Variants in PADI6 observed in about 807,000 individuals in gnomAD.
PADI6 encodes peptidyl arginine deiminase 6.
In PADI6, 66 loss-of-function variants were observed where a neutral mutation model predicts 78.2. The ratio of observed to expected loss-of-function variants is 0.84; its 90% CI spans 0.69 to 1.04. The LOEUF (loss-of-function observed/expected upper bound fraction) is 1.04. PADI6 is among the 50% of genes least tolerant of loss of function. PADI6 has a pLI of 0.00. For synonymous variants in PADI6, 397 were observed against 346.9 expected (o/e 1.14, Z -1.60); for missense variants, 854 against 866.1 (o/e 0.99, Z 0.18).
intron 15 of PADI6, among the ~76,000 whole-genome samples, chr1:17,399,060 A>C (rs1288147592): frequency 6.6e-6 from 1 of 152,112 alleles, no homozygotes; most frequent in African/African-American, 2.4e-5. Flanking sequence ...TTCCCCAGGC[A>C]GTTACTATGG....
rs765568067 is a variant in PADI6, at chr1:17,375,408, C to T, written c.295-19C>T. On this transcript the variant is annotated intron_variant, in intron 2 of 15. Coordinates refer to ENST00000619609, the MANE Select transcript of PADI6 (RefSeq NM_207421.4). ...TCCCGTCCAACACTGCCTATGGTTT[C>T]GGGATGCTGTCTCCACAGGTCTCGG... is the stretch of plus-strand genomic sequence containing the variant. 20 of 1,605,464 alleles carry T rather than the reference C, an allele frequency of 1.2e-5. No homozygotes were observed. Among genetic ancestry groups the T allele is most frequent in the Admixed American group, 3.4e-5 (2 of 59,144 alleles).
At chr1:17,382,451 A>T (rs1425637666) in intron 6 of PADI6, among the ~76,000 whole-genome samples, 1 of 152,216 alleles carries the variant, frequency 6.6e-6, no homozygotes. Context: ...TCTCAGGAGA[A>T]TCCATCTTCA....
At chr1:17,394,830 A>AC in intron 11 of PADI6, 121 bp from the exon 12 acceptor site, 1 of 1,199,636 alleles carries the variant, frequency 8.3e-7, no homozygotes, top group Non-Finnish European at 1.1e-6. Flanking sequence ...TCCGCTATGG[A>AC]CCGGCCTCTT....
At chr1:17,378,769 T>C (rs2075042578) in intron 3 of PADI6, among the ~76,000 whole-genome samples, 1 of 152,036 alleles carries the variant, frequency 6.6e-6, no homozygotes, top group Non-Finnish European at 1.5e-5. Context: ...CACACCGGGC[T>C]AATTTTTGTA....
chr1:17,394,697 A>C lies in PADI6; in HGVS notation c.1337+243A>C, dbSNP rs113752211. On this transcript the variant is annotated intron_variant, in intron 11 of 15. Transcript: ENST00000619609. The stretch of plus-strand genomic sequence containing the variant: ...TCCACCAGGATGTCATTTCCAAGAG[A>C]TATGTGGTTGGATTTCTTGGTGGCC... Among the ~76,000 whole-genome samples the C allele has an allele frequency of 8.6e-3, 1,310 of 152,214 alleles. 29 individuals carry two copies. Among genetic ancestry groups the C allele is most frequent in the African/African-American group, 0.029 (1,200 of 41,508 alleles).
At chr1:17,385,692 C>A (rs2075112655) in intron 6 of PADI6, among the ~76,000 whole-genome samples, 2 of 151,862 alleles carry the variant, frequency 1.3e-5, no homozygotes, top group South Asian at 4.2e-4. Flanking sequence ...CAGTGGAGGG[C>A]AAGTATGCTA....
chr1:17,379,826 C>T, intron 3 of PADI6, 94 bp from the exon 4 acceptor site: 2 of 1,098,554 alleles, frequency 1.8e-6, no homozygotes, highest in Non-Finnish European at 2.7e-6. Flanking sequence ...TGCCCTGATG[C>T]CAGCCTTGGG....
chr1:17,384,983 T>C (rs1557601200), intron 6 of PADI6, among the ~76,000 whole-genome samples: 1 of 152,150 alleles, frequency 6.6e-6, no homozygotes, highest in Non-Finnish European at 1.5e-5. Flanking sequence ...GATGTATAGA[T>C]GGAACTGATC....
At chr1:17,397,888 C>T (rs945750525) in intron 14 of PADI6, among the ~76,000 whole-genome samples, 2 of 152,130 alleles carry the variant, frequency 1.3e-5, no homozygotes, top group Admixed American at 1.3e-4. Flanking sequence ...GAAGCCGGCT[C>T]CTCACTTCCG....
At chr1:17,380,350 C>CA (rs2075060759) in intron 4 of PADI6, among the ~76,000 whole-genome samples, 1 of 151,748 alleles carries the variant, frequency 6.6e-6, no homozygotes, top group South Asian at 2.1e-4. Context: ...GCTGGGGTTA[C>CA]AAGCGTGTGC....
At chr1:17,401,127 C>A (rs191429762) in intron 15 of PADI6, 78 bp from the exon 16 acceptor site, 11 of 1,378,844 alleles carry the variant, frequency 8.0e-6, no homozygotes, top group South Asian at 1.3e-5. Context: ...CTGGTCTGAC[C>A]GCAGAGAGGC....
intron 3 of PADI6, among the ~76,000 whole-genome samples, chr1:17,378,616 G>GT (rs1312290789): frequency 1.6e-4 from 24 of 152,062 alleles, no homozygotes; most frequent in Admixed American, 1.3e-3. Context: ...GTTTGTTTTT[G>GT]TTTTTTGAGA....
intron 3 of PADI6, among the ~76,000 whole-genome samples, chr1:17,376,424 C>G (rs1389528043): frequency 6.6e-6 from 1 of 150,708 alleles, no homozygotes; most frequent in Non-Finnish European, 1.5e-5. Context: ...CTCAGCCTCC[C>G]GAGTAGCTGG....
intron 8 of PADI6, among the ~76,000 whole-genome samples, chr1:17,391,444 T>C (rs1051368990): frequency 2.6e-5 from 4 of 152,172 alleles, no homozygotes; most frequent in African/African-American, 9.7e-5. Context: ...GGTCTCAAAC[T>C]CCCAGTCTTA....
At chr1:17,399,816 T>C (rs189904331) in intron 15 of PADI6, among the ~76,000 whole-genome samples, 10 of 151,742 alleles carry the variant, frequency 6.6e-5, no homozygotes, top group African/African-American at 2.4e-4. Flanking sequence ...GGTGGGTGGA[T>C]CACTTGAAGT....
intron 6 of PADI6, among the ~76,000 whole-genome samples, chr1:17,385,102 G>A (rs1301748447): frequency 2.1e-4 from 32 of 152,136 alleles, no homozygotes; most frequent in Non-Finnish European, 2.6e-4. Context: ...GCTCACACCT[G>A]TAATCCCAGC....
At chr1:17,380,391 G>A (rs577891385) in intron 4 of PADI6, among the ~76,000 whole-genome samples, 8 of 151,788 alleles carry the variant, frequency 5.3e-5, no homozygotes, top group African/African-American at 1.9e-4. Context: ...TTTTTGAGAC[G>A]GAGTCTCGCT....
intron 3 of PADI6, among the ~76,000 whole-genome samples, chr1:17,377,217 G>A (rs979060401): frequency 2.6e-5 from 4 of 151,922 alleles, no homozygotes; most frequent in Non-Finnish European, 5.9e-5. Flanking sequence ...CAAACTCCTG[G>A]CCTCAAGTGA....
intron 4 of PADI6, among the ~76,000 whole-genome samples, chr1:17,380,534 GT>G (rs1328696603): frequency 6.6e-6 from 1 of 152,050 alleles, no homozygotes; most frequent in Admixed American, 6.6e-5. Context: ...TGCCTGGCTA[GT>G]TTTTTTTGTA....
Sources: gnomAD v4.1 joint callset for allele counts (sites outside exome capture counted in the v4.1 genomes callset) on GRCh38, gnomAD v4.1.1 for gene constraint, MANE v1.5 for transcripts, NCBI Gene and HGNC (gene_info 2026-07-23, HGNC 2026-07-21) for gene names.